Variants in ZNF331 observed in about 807,000 individuals in gnomAD.
ZNF331 encodes the protein zinc finger protein 331.
Under a neutral mutation model 7.0 loss-of-function variants are expected in ZNF331, and 2 were observed. That is an observed-to-expected ratio of 0.29 (90% CI 0.12 to 0.90). The LOEUF is 0.90. ZNF331 is among the 40% of genes least tolerant of loss of function. The pLI is 0.58. For missense variants in ZNF331, 432 were observed against 587.7 expected, an observed-to-expected ratio of 0.74 and a Z score of 2.74; for synonymous variants, 196 against 205.4, an observed-to-expected ratio of 0.95 and a Z score of 0.39.
At chr19:53,540,251 G>C (rs541777102) in intron 2 of ZNF331, among the ~76,000 whole-genome samples, 2 of 152,258 alleles carry the variant, frequency 1.3e-5, no homozygotes, top group African/African-American at 4.8e-5. Flanking sequence ...ATTGCTCACA[G>C]TTCTGGAGGC....
intron 2 of ZNF331, among the ~76,000 whole-genome samples, chr19:53,545,976 C>T (rs938082098): frequency 6.6e-6 from 1 of 151,918 alleles, no homozygotes; most frequent in Non-Finnish European, 1.5e-5. Flanking sequence ...CTGAAACTCA[C>T]AAATGCCAGT....
intron 3 of ZNF331, among the ~76,000 whole-genome samples, chr19:53,565,794 G>T (rs1024645140): frequency 2.6e-5 from 4 of 152,108 alleles, no homozygotes; most frequent in African/African-American, 9.7e-5. Flanking sequence ...CTCCCAAAGT[G>T]CTGGGATTAC....
chr19:53,561,082 CAGG>C (rs997518689), intron 3 of ZNF331, among the ~76,000 whole-genome samples: 1 of 152,034 alleles, frequency 6.6e-6, no homozygotes, highest in Non-Finnish European at 1.5e-5. Context: ...CACTTGAACC[CAGG>C]AGATCGAAGC....
upstream of ZNF331, chr19:53,537,563 C>G (rs921474379): frequency 6.6e-6 from 1 of 152,526 alleles, no homozygotes. Flanking sequence ...GCTGCCCGCT[C>G]CGGCACCGAC....
chr19:53,542,866 AT>A (rs2088274996), intron 2 of ZNF331, among the ~76,000 whole-genome samples: 1 of 152,166 alleles, frequency 6.6e-6, no homozygotes, highest in Admixed American at 6.5e-5. Context: ...CTGGAGTGCA[AT>A]GGCGCAATCG....
At chr19:53,566,383 C>A (rs1355682014) in intron 3 of ZNF331, among the ~76,000 whole-genome samples, 1 of 152,028 alleles carries the variant, frequency 6.6e-6, no homozygotes, top group Non-Finnish European at 1.5e-5. Context: ...ACCTCTGCCC[C>A]CTGGGTGCAA....
chr19:53,559,809 T>TAC (rs1356224539), intron 3 of ZNF331, among the ~76,000 whole-genome samples: 13 of 151,052 alleles, frequency 8.6e-5, no homozygotes, highest in African/African-American at 2.4e-4. Context: ...TATACATATA[T>TAC]ACACACCATA....
intron 2 of ZNF331, among the ~76,000 whole-genome samples, chr19:53,527,695 G>T (rs1267821668): frequency 6.6e-6 from 1 of 152,182 alleles, no homozygotes; most frequent in East Asian, 1.9e-4. Flanking sequence ...ATCTTAGTTT[G>T]TGAAAGAAAT....
intron 2 of ZNF331, among the ~76,000 whole-genome samples, chr19:53,550,529 C>CTTTTTTTTTTTTTTTTTTTTTTT (rs60619357): frequency 1.5e-5 from 1 of 64,548 alleles, no homozygotes; most frequent in Non-Finnish European, 2.6e-5. Context: ...TCTATTTTGT[C>CTTTTTTTTTTTTTTTTTTTTTTT]TTTTTTTTTT....
Position 53,571,849 on chromosome 19 carries a change from G to A in ZNF331, c.136+119G>A. ...TTTCTTCTTCCTGTCCCCAAGGAAT[G>A]TATTGAGCCTTATTGATGTGGCCGT... On this transcript the variant is annotated intron_variant, in intron 5 of 5. Coordinates refer to ENST00000449416, the MANE Select transcript of ZNF331 (RefSeq NM_001079906.2). This position sits in a 1 kb window ranked among gnomAD's most constrained non-coding sequence, Gnocchi z 4.7. 1 of 1,350,516 alleles carries A rather than the reference G, an allele frequency of 7.4e-7. No homozygotes were observed. Among genetic ancestry groups the A allele is most frequent in the Non-Finnish European group, 1.0e-6 (1 of 1,000,578 alleles). The allele number at this position is 1,350,516 out of a possible 1,614,324, so 83.7% of individuals were successfully genotyped here.
rs1279849196 is a variant in ZNF331, at chr19:53,571,567, T to A, written c.10-37T>A. On this transcript the variant is annotated intron_variant, in intron 4 of 5. Coordinates refer to ENST00000449416, the MANE Select transcript of ZNF331 (RefSeq NM_001079906.2). This position sits in a 1 kb window ranked among gnomAD's most constrained non-coding sequence, Gnocchi z 4.7. ...TCTCCTTCATCTGGAAGCTGTTTCC[T>A]TTCATTTCATCATGCACGTGTGGGT... is the stretch of plus-strand genomic sequence containing the variant. The A allele has an allele frequency of 3.7e-6, 6 of 1,607,266 alleles. No individual in the cohort carries two copies. Among genetic ancestry groups the A allele is most frequent in the Non-Finnish European group, 5.1e-6 (6 of 1,176,636 alleles).
exon 1 of ZNF331, chr19:53,521,548 G>C (rs1235818166): frequency 6.6e-6 from 1 of 152,380 alleles, no homozygotes; most frequent in Non-Finnish European, 1.5e-5. Flanking sequence ...GAGGGCCATA[G>C]CGCCGGGCTG....
chr19:53,522,379 G>A (rs980432536), intron 1 of ZNF331, among the ~76,000 whole-genome samples: 1 of 151,812 alleles, frequency 6.6e-6, no homozygotes, highest in African/African-American at 2.4e-5. Flanking sequence ...TGGGACCACA[G>A]GCGCACGCCA....
intron 3 of ZNF331, among the ~76,000 whole-genome samples, chr19:53,561,294 A>T (rs1336820058): frequency 5.6e-5 from 8 of 143,568 alleles, no homozygotes; most frequent in Non-Finnish European, 1.1e-4. Flanking sequence ...ATCTCAGTAA[A>T]TTTCTTATAT....
intron 3 of ZNF331, among the ~76,000 whole-genome samples, chr19:53,561,757 G>C (rs58233660): frequency 1.3e-5 from 2 of 152,086 alleles, no homozygotes; most frequent in Non-Finnish European, 2.9e-5. Context: ...GGAAGCTGAA[G>C]TGGGAGGATC....
intron 4 of ZNF331, among the ~76,000 whole-genome samples, chr19:53,570,477 G>A (rs923096058): frequency 3.9e-5 from 6 of 152,068 alleles, no homozygotes; most frequent in Non-Finnish European, 8.8e-5. Flanking sequence ...TGCTTAAAAT[G>A]TAGTTTGGCA....
rs200737851 is a variant in ZNF331 at position 53,521,327 on chromosome 19, T to TGTGA, written c.-1026_-1023dup. 3.7e-3 allele frequency: 522 copies of TGTGA among 141,324 alleles called. 11 individuals are homozygous for TGTGA. Among genetic ancestry groups the TGTGA allele is most frequent in the Middle Eastern group, 0.014 (4 of 290 alleles). The allele number at this position is 141,324 out of a possible 1,614,324, so 8.8% of individuals were successfully genotyped here. A position where few individuals can be genotyped will look rare whatever the true frequency, so the allele number is the denominator to read the frequency against. Reference sequence around the variant, plus strand: ...CGGCGAGCAGGGAAGTGGGAGTGTGTGTGAGTGTGTGTGTGTGTGTGTGTG... The same window carrying TGTGA: ...CGGCGAGCAGGGAAGTGGGAGTGTGTGTGAGTGAGTGTGTGTGTGTGTGTGTGTG... On this transcript the variant is annotated 5_prime_UTR_variant, in exon 1 of 7. Transcript: ENST00000253144.
chr19:53,544,378 T>C (rs1431544811), intron 2 of ZNF331, among the ~76,000 whole-genome samples: 1 of 149,154 alleles, frequency 6.7e-6, no homozygotes, highest in African/African-American at 2.5e-5. Context: ...ACCCCATCTC[T>C]ACTAAAAATA....
chr19:53,534,540 G>T (rs2087666607), upstream of ZNF331, among the ~76,000 whole-genome samples: 1 of 152,052 alleles, frequency 6.6e-6, no homozygotes, highest in Non-Finnish European at 1.5e-5. Flanking sequence ...GCCCACCTCG[G>T]CCTCCCAAAT....
Sources: allele counts gnomAD v4.1 joint callset (sites outside exome capture counted in the v4.1 genomes callset), GRCh38; gene constraint gnomAD v4.1.1; non-coding constraint Gnocchi (gnomAD v3.1); transcripts MANE v1.5; gene names NCBI Gene and HGNC (gene_info 2026-07-23, HGNC 2026-07-21).